Variants in DLC1 observed in about 807,000 individuals in gnomAD.
DLC1 encodes DLC1 Rho GTPase activating protein.
Under a neutral mutation model 140.3 loss-of-function variants are expected in DLC1, and 54 were observed. The ratio of observed to expected loss-of-function variants is 0.38; its 90% CI spans 0.31 to 0.48. The LOEUF is 0.48. DLC1 is among the 20% of genes least tolerant of loss of function. DLC1 has a pLI of 0.96. For missense variants in DLC1, 2,536 were observed against 1,907.0 expected (o/e 1.33, Z -6.14); for synonymous variants, 986 against 728.1 (o/e 1.35, Z -5.70).
At chr8:13,540,920 G>T (rs989452310) in intron 1 of DLC1, among the ~76,000 whole-genome samples, 3 of 152,200 alleles carry the variant, frequency 2.0e-5, no homozygotes, top group Admixed American at 6.5e-5. Flanking sequence ...TATCATAAAT[G>T]CAGGTTCTTG....
At chr8:13,575,883 C>T (rs182275265) in intron 1 of DLC1, among the ~76,000 whole-genome samples, 1 of 152,270 alleles carries the variant, frequency 6.6e-6, no homozygotes, top group East Asian at 1.9e-4. Context: ...TTAGTATGCA[C>T]TGAGACATGT....
At chr8:13,217,982 T>C (rs921515597) in intron 5 of DLC1, among the ~76,000 whole-genome samples, 3 of 152,146 alleles carry the variant, frequency 2.0e-5, no homozygotes, top group African/African-American at 7.2e-5. Context: ...TTACATAAAA[T>C]ACCAGAAACA....
In DLC1 at chr8:13,362,398, G is replaced by A. The variant is rs7009577; in HGVS notation, c.1314+31155C>T. ...GTGAAATTAGGACATTTGTCTGGTT[G>A]CAGTTAGATTCCCGGGCACTCTGTA... On this transcript the variant is annotated intron_variant, in intron 4 of 17. Coordinates refer to ENST00000276297, the MANE Select transcript of DLC1 (RefSeq NM_182643.3). Among the ~76,000 whole-genome samples, 435 of 152,284 alleles carry A rather than the reference G, an allele frequency of 2.9e-3. 3 individuals are homozygous for A. The highest frequency in any genetic ancestry group is 0.01 in the African/African-American group (420 of 41,572).
At chr8:13,126,980 C>A (rs1821635321) in intron 5 of DLC1, among the ~76,000 whole-genome samples, 1 of 152,182 alleles carries the variant, frequency 6.6e-6, no homozygotes, top group South Asian at 2.1e-4. Flanking sequence ...TTATCAAAGA[C>A]CAATGACAAT....
intron 1 of DLC1, among the ~76,000 whole-genome samples, chr8:13,551,075 C>CACACACACACACTT (rs71207163): frequency 0.017 from 2,088 of 121,632 alleles, 56 homozygotes; most frequent in East Asian, 0.1. Flanking sequence ...CACACACACA[C>CACACACACACACTT]TTTTTTTTTT....
At chr8:13,233,464 T>C (rs1829144856) in intron 5 of DLC1, among the ~76,000 whole-genome samples, 1 of 152,098 alleles carries the variant, frequency 6.6e-6, no homozygotes, top group Non-Finnish European at 1.5e-5. Context: ...TACATTTTAA[T>C]ATGTTTTTTC....
intron 1 of DLC1, among the ~76,000 whole-genome samples, chr8:13,520,426 G>C (rs1266571973): frequency 6.6e-6 from 1 of 151,960 alleles, no homozygotes; most frequent in African/African-American, 2.4e-5. Flanking sequence ...TGAACAGTGG[G>C]AACTCACGGA....
intron 4 of DLC1, among the ~76,000 whole-genome samples, chr8:13,374,823 A>G (rs1835894981): frequency 6.6e-6 from 1 of 152,142 alleles, no homozygotes; most frequent in Non-Finnish European, 1.5e-5. Context: ...CTTCCTATCC[A>G]TGAGCATGGA....
intron 4 of DLC1, among the ~76,000 whole-genome samples, chr8:13,384,666 G>A (rs1048975235): frequency 2.0e-5 from 3 of 152,112 alleles, no homozygotes; most frequent in African/African-American, 7.2e-5. Flanking sequence ...TATTGAATTT[G>A]TTCTACATTA....
chr8:13,569,690 A>T (rs933095911), intron 1 of DLC1, among the ~76,000 whole-genome samples: 15 of 152,194 alleles, frequency 9.9e-5, no homozygotes, highest in African/African-American at 3.6e-4. Context: ...AAATGTCAGC[A>T]TACAGTTCTC....
At chr8:13,100,856 G>T in intron 8 of DLC1, 86 bp from the exon 9 acceptor site, 1 of 1,379,652 alleles carries the variant, frequency 7.2e-7, no homozygotes. Context: ...CTCATAATAT[G>T]CCAGTAGTAT....
At chr8:13,593,669 A>G (rs1167589369) in intron 1 of DLC1, among the ~76,000 whole-genome samples, 3 of 152,140 alleles carry the variant, frequency 2.0e-5, no homozygotes, top group Non-Finnish European at 4.4e-5. Flanking sequence ...CGATTCATAC[A>G]GAATTGGTAC....
intron 5 of DLC1, among the ~76,000 whole-genome samples, chr8:13,173,457 C>T (rs1455406191): frequency 2.0e-5 from 3 of 150,862 alleles, no homozygotes; most frequent in Admixed American, 6.6e-5. Context: ...CTGCAAACTC[C>T]GCCTCCCGTG....
At chr8:13,226,123 A>T (rs916401692) in intron 5 of DLC1, among the ~76,000 whole-genome samples, 2 of 152,148 alleles carry the variant, frequency 1.3e-5, no homozygotes, top group Non-Finnish European at 2.9e-5. Context: ...TGTGTTGCCC[A>T]GGCTAGTCTT....
At chr8:13,124,044 A>G (rs1821347449) in intron 5 of DLC1, among the ~76,000 whole-genome samples, 1 of 152,256 alleles carries the variant, frequency 6.6e-6, no homozygotes, top group Non-Finnish European at 1.5e-5. Flanking sequence ...AATAAAACCT[A>G]CAATAAGTGA....
chr8:13,125,679 G>C (rs138189371), intron 5 of DLC1, among the ~76,000 whole-genome samples: 1 of 151,994 alleles, frequency 6.6e-6, no homozygotes, highest in Non-Finnish European at 1.5e-5. Flanking sequence ...CACCATACTG[G>C]TTTTCAGTCC....
intron 4 of DLC1, among the ~76,000 whole-genome samples, chr8:13,371,858 T>G (rs1835745765): frequency 6.6e-6 from 1 of 152,126 alleles, no homozygotes; most frequent in African/African-American, 2.4e-5. Context: ...AGGCACTCAC[T>G]CAATAATTAT....
At chr8:13,504,774 CT>C (rs969561181) in intron 1 of DLC1, among the ~76,000 whole-genome samples, 5 of 150,992 alleles carry the variant, frequency 3.3e-5, no homozygotes, top group East Asian at 1.9e-4. Context: ...AAAAGTCTTA[CT>C]TTTTTTTTAA....
intron 5 of DLC1, among the ~76,000 whole-genome samples, chr8:13,267,402 G>T (rs929291289): frequency 1.3e-5 from 2 of 151,276 alleles, no homozygotes; most frequent in African/African-American, 4.9e-5. Context: ...AATCAACCAT[G>T]AATGAAAAAC....
Sources: allele counts gnomAD v4.1 joint callset (sites outside exome capture counted in the v4.1 genomes callset), GRCh38; gene constraint gnomAD v4.1.1; transcripts MANE v1.5; gene names NCBI Gene and HGNC (gene_info 2026-07-23, HGNC 2026-07-21).